The following PALLD variants were observed in gnomAD, a reference collection of about 807,000 sequenced individuals.
PALLD encodes palladin, cytoskeletal associated protein, also known as palladin.
Under a neutral mutation model 123.5 loss-of-function variants are expected in PALLD, and 61 were observed. The ratio of observed to expected loss-of-function variants is 0.49; its 90% confidence interval spans 0.40 to 0.61. PALLD has a LOEUF of 0.61. PALLD is among the 20% of genes least tolerant of loss of function. The pLI is 0.00. For synonymous variants in PALLD, 465 were observed against 496.4 expected (o/e 0.94, Z 0.84); for missense variants, 1,273 against 1,377.0 (o/e 0.92, Z 1.20).
At chr4:168,726,217 A>AT (rs1786564042) in intron 10 of PALLD, among the ~76,000 whole-genome samples, 1 of 152,172 alleles carries the variant, frequency 6.6e-6, no homozygotes, top group Non-Finnish European at 1.5e-5. Flanking sequence ...AATGTTAGGA[A>AT]TTTTTTATTT....
rs1015014091 is a variant in PALLD at position 168,511,424 on chromosome 4, A to C, written c.-81A>C. 8.7e-6 allele frequency: 9 copies of C among 1,029,766 alleles called. No homozygotes were observed. In the East Asian group the frequency reaches 2.1e-4, roughly 24 times the overall value. 63.8% of individuals were successfully genotyped at this position (1,029,766 alleles called of 1,614,324 possible). ...ATGACATTCTATGCTGTCTTTCAGA[A>C]CACAGTTTCAGAAAACAGTTTCCAG... On this transcript the variant is annotated splice_region_variant and 5_prime_UTR_variant, in exon 2 of 22. Transcript: ENST00000505667.
intron 8 of PALLD, among the ~76,000 whole-genome samples, chr4:168,692,448 A>G (rs1310247934): frequency 6.6e-6 from 1 of 152,212 alleles, no homozygotes; most frequent in Non-Finnish European, 1.5e-5. Flanking sequence ...ATACAACTGC[A>G]TATTTTGTCT....
intron 11 of PALLD, among the ~76,000 whole-genome samples, 191 bp downstream of exon 11, chr4:168,891,248 G>A (rs776480457): frequency 6.6e-6 from 1 of 152,020 alleles, no homozygotes; most frequent in Non-Finnish European, 1.5e-5. Flanking sequence ...CTGCATCCTT[G>A]ACCTCCCAGG....
intron 10 of PALLD, among the ~76,000 whole-genome samples, chr4:168,823,153 C>T (rs1024152009): frequency 6.6e-6 from 1 of 151,964 alleles, no homozygotes; most frequent in Admixed American, 6.6e-5. Flanking sequence ...TTCACTTTTT[C>T]CTTCTGGGTT....
intron 10 of PALLD, among the ~76,000 whole-genome samples, chr4:168,822,770 C>G (rs1742901387): frequency 6.6e-6 from 1 of 152,242 alleles, no homozygotes; most frequent in Admixed American, 6.5e-5. Flanking sequence ...CACCTGTTGT[C>G]AACAGCTGAT....
At chr4:168,774,456 G>A (rs62334291) in intron 10 of PALLD, among the ~76,000 whole-genome samples, 26,837 of 152,092 alleles carry the variant, frequency 0.18, 2,519 homozygotes, top group Middle Eastern at 0.23. Flanking sequence ...GGCTGAGTGC[G>A]GTGGCTCATG....
intron 2 of PALLD, among the ~76,000 whole-genome samples, chr4:168,557,030 T>TG (rs1767385926): frequency 8.2e-6 from 1 of 122,148 alleles, no homozygotes; most frequent in Non-Finnish European, 1.7e-5. Context: ...CATTTCCACT[T>TG]GTTTTTGTTT....
rs1346040206 is a variant in PALLD at position 168,877,972 on chromosome 4, C to T, written c.1965-12950C>T. The T allele has an allele frequency of 3.9e-5, 58 of 1,502,310 alleles. No individual in the cohort carries two copies. Among genetic ancestry groups the T allele is most frequent in the Non-Finnish European group, 4.7e-5 (53 of 1,131,180 alleles). The allele number at this position is 1,502,310 out of a possible 1,614,324, so 93.1% of individuals were successfully genotyped here. A position where few individuals can be genotyped will look rare whatever the true frequency, so the allele number is the denominator to read the frequency against. On this transcript the variant is annotated intron_variant, in intron 10 of 21. Coordinates refer to ENST00000505667, the MANE Select transcript of PALLD (RefSeq NM_001166108.2). Reference sequence around the variant, plus strand: ...ACTACGCGCGCCCCAAGCAGTTCATCGCCGCGCAGAACCTCGGGCCCGCGT... The same window carrying T: ...ACTACGCGCGCCCCAAGCAGTTCATTGCCGCGCAGAACCTCGGGCCCGCGT...
intron 2 of PALLD, among the ~76,000 whole-genome samples, chr4:168,604,104 A>G (rs1175875996): frequency 6.6e-5 from 10 of 152,244 alleles, no homozygotes; most frequent in Non-Finnish European, 1.5e-4. Flanking sequence ...GTAATTCATG[A>G]GAGCTGCAGT....
At chr4:168,886,978 G>A (rs1476530018) in intron 10 of PALLD, among the ~76,000 whole-genome samples, 11 of 151,874 alleles carry the variant, frequency 7.2e-5, no homozygotes, top group South Asian at 4.2e-4. Context: ...TTAGCCAGGC[G>A]TGGTGGCTCA....
intron 2 of PALLD, among the ~76,000 whole-genome samples, chr4:168,642,310 C>G (rs1222513712): frequency 6.6e-6 from 1 of 152,166 alleles, no homozygotes; most frequent in South Asian, 2.1e-4. Context: ...AACCGAACTC[C>G]CAGTCTTGGT....
chr4:168,915,197 G>T (rs1759855867), intron 16 of PALLD, among the ~76,000 whole-genome samples: 1 of 152,058 alleles, frequency 6.6e-6, no homozygotes, highest in Non-Finnish European at 1.5e-5. Context: ...GCTTTTCCTA[G>T]TTAAGTGTTT....
chr4:168,719,566 A>G (rs371414235), intron 10 of PALLD, among the ~76,000 whole-genome samples: 6 of 152,210 alleles, frequency 3.9e-5, no homozygotes, highest in African/African-American at 1.4e-4. Flanking sequence ...AGCCAAAAGT[A>G]TTATTTAAAA....
At chr4:168,531,096 A>G (rs2319904) in intron 2 of PALLD, among the ~76,000 whole-genome samples, 63,482 of 152,084 alleles carry the variant, frequency 0.42, 14,362 homozygotes, top group African/African-American at 0.6. Flanking sequence ...AAAAAGGACT[A>G]GAAAATAATA....
intron 2 of PALLD, among the ~76,000 whole-genome samples, chr4:168,520,986 C>T (rs1763506620): frequency 6.6e-6 from 1 of 152,098 alleles, no homozygotes; most frequent in Admixed American, 6.6e-5. Context: ...TCTTAATGGA[C>T]AAGTTTCTGG....
At chr4:168,547,871 G>C (rs981341541) in intron 2 of PALLD, among the ~76,000 whole-genome samples, 13 of 151,366 alleles carry the variant, frequency 8.6e-5, no homozygotes, top group African/African-American at 3.2e-4. Flanking sequence ...ACTGGAACCC[G>C]GGAGGCGGAG....
chr4:168,692,089 C>T (rs1026803871), intron 8 of PALLD, among the ~76,000 whole-genome samples: 1 of 152,102 alleles, frequency 6.6e-6, no homozygotes, highest in Non-Finnish European at 1.5e-5. Context: ...CCTGTTTCTC[C>T]TGTTTGTTCC....
chr4:168,863,731 T>C (rs1749849333), intron 10 of PALLD: 1 of 152,240 alleles, frequency 6.6e-6, no homozygotes, highest in East Asian at 1.9e-4. Flanking sequence ...AGATCTTTTA[T>C]TTACTCCTGT....
Position 168,878,148 on chromosome 4 carries a change from C to T in PALLD, c.1965-12774C>T, listed in dbSNP as rs1752054000. The T allele has an allele frequency of 4.7e-6, 7 of 1,489,586 alleles. No homozygotes were observed. Among genetic ancestry groups the T allele is most frequent in the Non-Finnish European group, 5.3e-6 (6 of 1,126,764 alleles). 92.3% of individuals were successfully genotyped at this position (1,489,586 alleles called of 1,614,324 possible). ...GAGGCCCCGTGGGGCTCCTCCTCGCCGTCGCCCCCGCCCCCGCCACCCCCG... is the reference window on the plus strand; with the variant it reads ...GAGGCCCCGTGGGGCTCCTCCTCGCTGTCGCCCCCGCCCCCGCCACCCCCG... On this transcript the variant is annotated intron_variant, in intron 10 of 21. Coordinates refer to ENST00000505667, the MANE Select transcript of PALLD (RefSeq NM_001166108.2).
Sources: gnomAD v4.1 joint callset for allele counts (sites outside exome capture counted in the v4.1 genomes callset) on GRCh38, gnomAD v4.1.1 for gene constraint, MANE v1.5 for transcripts, NCBI Gene and HGNC (gene_info 2026-07-23, HGNC 2026-07-21) for gene names.